The following STARD13 variants were observed in gnomAD, a reference collection of about 807,000 sequenced individuals.
STARD13 encodes StAR related lipid transfer domain containing 13.
In STARD13, 62 loss-of-function variants were observed where a neutral mutation model predicts 106.4. The ratio of observed to expected loss-of-function variants is 0.58; its 90% CI spans 0.48 to 0.72. The LOEUF is 0.72. Among genes scored for constraint, STARD13 ranks in the 30% least tolerant of loss-of-function variants. The pLI is 0.00. For missense variants in STARD13, 1,387 were observed against 1,424.0 expected (o/e 0.97, Z 0.42); for synonymous variants, 565 against 553.0 (o/e 1.02, Z -0.31).
chr13:33,360,173 C>T, the STARD13 span, among the ~76,000 whole-genome samples: 1 of 151,742 alleles, frequency 6.6e-6, no homozygotes, highest in Non-Finnish European at 1.5e-5. Context: ...TGTAATTCCT[C>T]TTTCTTCAAC....
the STARD13 span, among the ~76,000 whole-genome samples, chr13:33,472,107 A>C: frequency 6.6e-6 from 1 of 152,064 alleles, no homozygotes; most frequent in Non-Finnish European, 1.5e-5. Flanking sequence ...ACCATTTAAA[A>C]AATTTGCTTT....
intron 12 of STARD13, among the ~76,000 whole-genome samples, chr13:33,107,691 A>G (rs1302167863): frequency 6.6e-6 from 1 of 152,126 alleles, no homozygotes; most frequent in Non-Finnish European, 1.5e-5. Flanking sequence ...TGCACTGTTC[A>G]GAAATGAAAT....
chr13:33,171,683 C>T (rs1883981700), intron 1 of STARD13, among the ~76,000 whole-genome samples: 4 of 152,210 alleles, frequency 2.6e-5, no homozygotes, highest in Admixed American at 2.0e-4. Flanking sequence ...CATTTGGGGG[C>T]TGAAATCAAC....
At chr13:33,435,492 G>T in the STARD13 span, among the ~76,000 whole-genome samples, 1 of 151,952 alleles carries the variant, frequency 6.6e-6, no homozygotes, top group African/African-American at 2.4e-5. Context: ...TAAAACTAAG[G>T]TTCTTCTTGG....
At chr13:33,625,422 T>C in the STARD13 span, among the ~76,000 whole-genome samples, 1 of 151,058 alleles carries the variant, frequency 6.6e-6, no homozygotes, top group South Asian at 2.1e-4. Context: ...ATACAAAAAT[T>C]AGCTGGGTGT....
At chr13:33,646,994 A>T in the STARD13 span, among the ~76,000 whole-genome samples, 1 of 152,180 alleles carries the variant, frequency 6.6e-6, no homozygotes, top group African/African-American at 2.4e-5. Context: ...TTACATAGAG[A>T]AGTATGCAGC....
chr13:33,323,584 C>T (rs373018185), intron 1 of STARD13, among the ~76,000 whole-genome samples: 1 of 152,172 alleles, frequency 6.6e-6, no homozygotes, highest in African/African-American at 2.4e-5. Flanking sequence ...CTCAATGTAA[C>T]GGTACATACA....
At chr13:33,471,186 G>A in the STARD13 span, among the ~76,000 whole-genome samples, 1 of 152,164 alleles carries the variant, frequency 6.6e-6, no homozygotes, top group African/African-American at 2.4e-5. Flanking sequence ...CTGCTGGAAT[G>A]ATATTAAGAT....
chr13:33,178,945 A>G (rs1884972917), intron 1 of STARD13, among the ~76,000 whole-genome samples: 1 of 152,188 alleles, frequency 6.6e-6, no homozygotes, highest in African/African-American at 2.4e-5. Context: ...CATGATCCAA[A>G]TTTGTAAAAC....
At chr13:33,225,365 A>G (rs1478477203) in intron 1 of STARD13, among the ~76,000 whole-genome samples, 2 of 152,202 alleles carry the variant, frequency 1.3e-5, no homozygotes, top group African/African-American at 4.8e-5. Flanking sequence ...CAAGTCAGTC[A>G]CCACTTCTGG....
chr13:33,386,882 T>G, the STARD13 span, among the ~76,000 whole-genome samples: 1 of 152,104 alleles, frequency 6.6e-6, no homozygotes, highest in Non-Finnish European at 1.5e-5. Context: ...TAATTTAAAC[T>G]TTTTTAAAAT....
intron 1 of STARD13, among the ~76,000 whole-genome samples, chr13:33,334,286 T>C (rs1329244619): frequency 1.3e-5 from 2 of 152,128 alleles, no homozygotes; most frequent in African/African-American, 4.8e-5. Context: ...CAAGACAAAG[T>C]TTCTCTATTC....
chr13:33,137,877 G>A (rs533533359), intron 4 of STARD13, among the ~76,000 whole-genome samples: 2 of 152,194 alleles, frequency 1.3e-5, no homozygotes, highest in African/African-American at 4.8e-5. Flanking sequence ...GTTGCCAGGA[G>A]GTGTCTCATT....
At chr13:33,235,979 G>A (rs938968646) in intron 1 of STARD13, among the ~76,000 whole-genome samples, 1 of 152,042 alleles carries the variant, frequency 6.6e-6, no homozygotes, top group Non-Finnish European at 1.5e-5. Context: ...CCCAACTGGG[G>A]GCAAAAAATC....
At chr13:33,610,114 A>G in the STARD13 span, among the ~76,000 whole-genome samples, 1 of 152,258 alleles carries the variant, frequency 6.6e-6, no homozygotes, top group East Asian at 1.9e-4. Context: ...TGCAAAATGT[A>G]AATTGTAAAA....
chr13:33,441,085 G>T, the STARD13 span, among the ~76,000 whole-genome samples: 1 of 151,816 alleles, frequency 6.6e-6, no homozygotes, highest in African/African-American at 2.4e-5. Context: ...TTGGTGAATG[G>T]TGTTTCCATC....
the STARD13 span, among the ~76,000 whole-genome samples, chr13:33,553,467 CTT>C: frequency 2.0e-5 from 3 of 151,554 alleles, no homozygotes; most frequent in South Asian, 2.1e-4. Context: ...ACAAAAATAA[CTT>C]TTCATGAGGA....
At chr13:33,344,418 T>C (rs1047365987), downstream of STARD13, among the ~76,000 whole-genome samples, 1 of 152,220 alleles carries the variant, frequency 6.6e-6, no homozygotes, top group Non-Finnish European at 1.5e-5. Flanking sequence ...AGAAAAGTGA[T>C]GATAAAACGG....
chr13:33,138,972 C>A, intron 4 of STARD13: 2 of 366,170 alleles, frequency 5.5e-6, no homozygotes, highest in Admixed American at 3.4e-5. Context: ...GCTAACCAGG[C>A]ATGAAAAAGC....
Sources: gnomAD v4.1 joint callset for allele counts (sites outside exome capture counted in the v4.1 genomes callset) on GRCh38, gnomAD v4.1.1 for gene constraint, MANE v1.5 for transcripts, NCBI Gene and HGNC (gene_info 2026-07-23, HGNC 2026-07-21) for gene names.